The following TLK2 variants were observed in gnomAD, a reference collection of about 807,000 sequenced individuals.
The protein encoded by TLK2 is serine/threonine-protein kinase tousled-like 2.
A neutral mutation model predicts 117.3 loss-of-function variants in TLK2; 6 were observed. The observed-to-expected ratio is 0.05, with a 90% CI of 0.03 to 0.10. The LOEUF is 0.10. TLK2 is among the 10% of genes least tolerant of loss of function. The pLI is 1.00. For synonymous variants in TLK2, 257 were observed against 316.7 expected (o/e 0.81, Z 2.00); for missense variants, 299 against 901.2 (o/e 0.33, Z 8.56).
intron 3 of TLK2, among the ~76,000 whole-genome samples, chr17:62,521,573 T>G (rs1433255404): frequency 6.6e-6 from 1 of 152,004 alleles, no homozygotes; most frequent in Non-Finnish European, 1.5e-5. Context: ...TTAAAAATAT[T>G]TTTAGAGGCG....
chr17:62,554,067 GA>G (rs2078670186), intron 9 of TLK2, among the ~76,000 whole-genome samples: 1 of 152,132 alleles, frequency 6.6e-6, no homozygotes, highest in Non-Finnish European at 1.5e-5. Flanking sequence ...CCATTCCAGA[GA>G]AGTTATTTTA....
chr17:62,610,374 A>G (rs143086007), intron 21 of TLK2, among the ~76,000 whole-genome samples: 41 of 152,370 alleles, frequency 2.7e-4, no homozygotes, highest in African/African-American at 9.6e-4. Context: ...ATGGAATCGA[A>G]TATGTAGCAG....
At chr17:62,546,341 A>ATTTTTTTTTTTTTTTTTTTTTTTT (rs1385208928) in intron 7 of TLK2, among the ~76,000 whole-genome samples, 2 of 8,866 alleles carry the variant, frequency 2.3e-4, no homozygotes, top group Admixed American at 2.0e-3. Flanking sequence ...GAGTTTGTTG[A>ATTTTTTTTTTTTTTTTTTTTTTTT]TTGTTTTTTT....
Position 62,565,129 on chromosome 17 carries a change from T to C in TLK2, c.960T>C (p.Asn320=), listed in dbSNP as rs142347130. 1.0e-5 allele frequency: 16 copies of C among 1,601,072 alleles called. No homozygotes were observed. The African/African-American group carries it at 1.9e-4, about 19-fold the overall frequency. ...EQWTDGYAFQ[N]LIKQQERINS... The stretch of plus-strand genomic sequence containing the variant: ...GGACAGATGGTTATGCTTTTCAGAA[T>C]CTTATCAAGTAAGTGAATTGTTATG... Residue 320 remains asparagine, a synonymous_variant, in exon 11 of 22, where the codon AAT becomes AAC. Transcript: ENST00000346027.
In TLK2 at chr17:62,479,282, C is replaced by T; in HGVS notation, c.-14C>T. On this transcript the variant is annotated 5_prime_UTR_variant, in exon 1 of 22. Transcript: ENST00000346027. ...GAGGAGCGTGGAGCGGCGGCGGCGG[C>T]GGCGGCAGGTGAGAGGCTGAGCCCC... The T allele has an allele frequency of 1.2e-5, 2 of 167,526 alleles. No individual in the cohort carries two copies. The highest frequency in any genetic ancestry group is 1.2e-5 in the Non-Finnish European group (1 of 80,412). 10.4% of individuals were successfully genotyped at this position (167,526 alleles called of 1,614,324 possible). A position where few individuals can be genotyped will look rare whatever the true frequency, so the allele number is the denominator to read the frequency against.
At chr17:62,482,962 A>G (rs1374579595) in intron 2 of TLK2, among the ~76,000 whole-genome samples, 1 of 152,136 alleles carries the variant, frequency 6.6e-6, no homozygotes, top group African/African-American at 2.4e-5. Context: ...TTCTTTGGCC[A>G]CTTAAACAGT....
intron 10 of TLK2, among the ~76,000 whole-genome samples, chr17:62,561,840 A>G (rs1195287268): frequency 3.9e-5 from 6 of 152,254 alleles, no homozygotes; most frequent in African/African-American, 1.2e-4. Flanking sequence ...TCCTGAAATC[A>G]GCAGAGATTC....
intron 7 of TLK2, among the ~76,000 whole-genome samples, chr17:62,536,709 A>C (rs2077135349): frequency 6.6e-6 from 1 of 152,096 alleles, no homozygotes; most frequent in Non-Finnish European, 1.5e-5. Context: ...ATGTAAGTTA[A>C]TACTCAAGTC....
rs1415608072 is a variant in TLK2, at chr17:62,565,020, C to T, written c.851C>T (p.Ala284Val). The change falls in exon 11 of 22, where the codon GCG (alanine) becomes GTG (valine). Residue 284 changes from alanine to valine, a missense_variant. By Grantham distance (64) the Ala-to-Val change is moderately conservative. Around this residue, in one of 4 missense-constraint regions of TLK2, gnomAD observed 94 missense variants for 282.6 expected, o/e 0.33. Transcript: ENST00000346027. ...CCTAAGTCAAAACAAGAGAAGATGG[C>T]GTGTAGAGATAAGAGCATGCAAGAC... Reference protein sequence around the residue: ...LIEKSKQEKMACRDKSMQDRL... With the variant: ...LIEKSKQEKMVCRDKSMQDRL... 6.2e-7 allele frequency: 1 copy of T among 1,611,464 alleles called. No individual in the cohort carries two copies. Among genetic ancestry groups the T allele is most frequent in the Non-Finnish European group, 8.5e-7 (1 of 1,179,400 alleles).
At chr17:62,580,018 T>C (rs1165564200) in intron 14 of TLK2, 93 bp from the exon 15 acceptor site, 5 of 863,026 alleles carry the variant, frequency 5.8e-6, no homozygotes, top group Admixed American at 5.2e-5. Flanking sequence ...GCTATAATTA[T>C]ATGTATAATG....
chr17:62,557,845 A>C (rs1303032546), intron 9 of TLK2, among the ~76,000 whole-genome samples: 1 of 152,178 alleles, frequency 6.6e-6, no homozygotes, highest in African/African-American at 2.4e-5. Context: ...ATGTTTGCTT[A>C]TGTTTTCTAA....
intron 16 of TLK2, among the ~76,000 whole-genome samples, chr17:62,590,251 G>T (rs941651083): frequency 2.6e-5 from 4 of 150,950 alleles, no homozygotes; most frequent in African/African-American, 9.7e-5. Context: ...GACCAACATG[G>T]TGAAACCCCG....
intron 6 of TLK2, among the ~76,000 whole-genome samples, chr17:62,527,712 C>T (rs1362089812): frequency 6.6e-6 from 1 of 151,454 alleles, no homozygotes; most frequent in Non-Finnish European, 1.5e-5. Flanking sequence ...TAATTTTGTA[C>T]TATATAATTA....
chr17:62,573,682 G>A (rs1007608581), intron 12 of TLK2, among the ~76,000 whole-genome samples: 2 of 152,212 alleles, frequency 1.3e-5, no homozygotes, highest in African/African-American at 4.8e-5. Context: ...ACATGTGGCT[G>A]CAGGGTGTGG....
intron 11 of TLK2, among the ~76,000 whole-genome samples, chr17:62,571,629 A>G (rs1404730326): frequency 6.6e-6 from 1 of 152,228 alleles, no homozygotes; most frequent in African/African-American, 2.4e-5. Context: ...TCTTGAAGCC[A>G]AGGGCATAGT....
rs574278809 is a variant in TLK2, at chr17:62,542,172, A to G, written c.531+5835A>G. On this transcript the variant is annotated intron_variant, in intron 7 of 21. Coordinates refer to ENST00000346027, the MANE Select transcript of TLK2 (RefSeq NM_006852.6). ...CCCGCAAGAAATTGAGGAGATGGAG[A>G]AGCGTAAAATTCTTCCCTTGGATTT... Among the ~76,000 whole-genome samples the G allele has an allele frequency of 1.9e-3, 282 of 152,366 alleles. 2 individuals are homozygous for G. The highest frequency in any genetic ancestry group is 6.5e-3 in the African/African-American group (269 of 41,584).
intron 15 of TLK2, chr17:62,585,874 C>A: frequency 3.4e-6 from 1 of 294,718 alleles, no homozygotes; most frequent in Non-Finnish European, 6.4e-6. Flanking sequence ...GGAAATGATT[C>A]TGAAGGCAGG....
intron 7 of TLK2, among the ~76,000 whole-genome samples, chr17:62,545,447 T>G (rs2077834563): frequency 1.3e-5 from 2 of 152,092 alleles, no homozygotes; most frequent in Non-Finnish European, 2.9e-5. Context: ...AAATATGAGG[T>G]CTTTAAAAAT....
chr17:62,547,488 G>A (rs2078036083), intron 7 of TLK2, among the ~76,000 whole-genome samples: 3 of 152,046 alleles, frequency 2.0e-5, no homozygotes, highest in African/African-American at 4.8e-5. Context: ...TCTGAGCATT[G>A]TCACATGAGA....
Sources: gnomAD v4.1 joint callset for allele counts (sites outside exome capture counted in the v4.1 genomes callset) on GRCh38, gnomAD v4.1.1 for gene constraint, gnomAD v4.1.1 regional missense constraint, MANE v1.5 for transcripts, NCBI Gene and HGNC (gene_info 2026-07-23, HGNC 2026-07-21) for gene names.